The following NAALADL2 variants were observed in gnomAD, a reference collection of about 807,000 sequenced individuals.
NAALADL2 encodes inactive N-acetylated-alpha-linked acidic dipeptidase-like protein 2.
NAALADL2 carries 76 observed loss-of-function variants against 87.2 expected under a neutral mutation model. The ratio of observed to expected loss-of-function variants is 0.87; its 90% CI spans 0.72 to 1.05. The LOEUF is 1.05. NAALADL2 is among the 50% of genes least tolerant of loss of function. The pLI is 0.00. For synonymous variants in NAALADL2, 354 were observed against 331.0 expected, an observed-to-expected ratio of 1.07 and a Z score of -0.75; for missense variants, 1,089 against 945.8, an observed-to-expected ratio of 1.15 and a Z score of -1.99.
intron 3 of NAALADL2, among the ~76,000 whole-genome samples, chr3:174,841,447 G>A (rs941076264): frequency 3.9e-5 from 6 of 152,104 alleles, no homozygotes; most frequent in African/African-American, 9.7e-5. Context: ...TGTTGTTTTC[G>A]TTTAGTTAGT....
intron 11 of NAALADL2, among the ~76,000 whole-genome samples, chr3:175,703,273 C>T (rs1382171810): frequency 6.6e-6 from 1 of 152,094 alleles, no homozygotes; most frequent in Non-Finnish European, 1.5e-5. Flanking sequence ...ACCTTGGGAA[C>T]AAGCAGAGTA....
chr3:175,448,792 C>T (rs1721090375), intron 6 of NAALADL2, among the ~76,000 whole-genome samples: 1 of 152,136 alleles, frequency 6.6e-6, no homozygotes, highest in East Asian at 1.9e-4. Flanking sequence ...TCACTGCAGC[C>T]TCAAACTCCT....
At chr3:175,411,407 G>A (rs1713484328) in intron 5 of NAALADL2, among the ~76,000 whole-genome samples, 1 of 152,176 alleles carries the variant, frequency 6.6e-6, no homozygotes, top group Non-Finnish European at 1.5e-5. Context: ...TCAGAGAAGA[G>A]TGCGGACTGG....
At chr3:174,604,602 T>C (rs2108618515) in intron 2 of NAALADL2, among the ~76,000 whole-genome samples, 1 of 150,226 alleles carries the variant, frequency 6.7e-6, no homozygotes, top group African/African-American at 2.4e-5. Flanking sequence ...CTTATTCCTG[T>C]CATTTTGTTA....
intron 2 of NAALADL2, among the ~76,000 whole-genome samples, chr3:174,634,948 A>G (rs993700612): frequency 6.6e-6 from 1 of 152,168 alleles, no homozygotes; most frequent in African/African-American, 2.4e-5. Flanking sequence ...GGAAAATTTT[A>G]ATTAGTAGGA....
intron 4 of NAALADL2, among the ~76,000 whole-genome samples, chr3:175,271,954 G>T (rs1460663223): frequency 6.6e-6 from 1 of 152,140 alleles, no homozygotes; most frequent in Non-Finnish European, 1.5e-5. Flanking sequence ...AATATCTAAT[G>T]AATTATATAA....
At chr3:175,568,221 A>G (rs1717523196) in intron 9 of NAALADL2, among the ~76,000 whole-genome samples, 1 of 152,114 alleles carries the variant, frequency 6.6e-6, no homozygotes, top group African/African-American at 2.4e-5. Flanking sequence ...GTCAGTAATC[A>G]TAACCTTTTG....
intron 3 of NAALADL2, among the ~76,000 whole-genome samples, chr3:174,838,302 G>C (rs1723602039): frequency 6.6e-6 from 1 of 152,140 alleles, no homozygotes; most frequent in Admixed American, 6.5e-5. Flanking sequence ...ATGACTTTAT[G>C]ATTAAAACTC....
At chr3:175,224,424 C>G (rs936404972) in intron 2 of NAALADL2, among the ~76,000 whole-genome samples, 1 of 152,116 alleles carries the variant, frequency 6.6e-6, no homozygotes, top group Non-Finnish European at 1.5e-5. Context: ...AATGGTGCAG[C>G]TTGGACTAAC....
rs140017588 is a variant in NAALADL2, at chr3:174,470,069, A to G, written c.-184+29037A>G. Among the ~76,000 whole-genome samples, 65 of 137,436 alleles carry G rather than the reference A, an allele frequency of 4.7e-4. No individual in the cohort carries two copies. The East Asian group carries it at 0.019, about 41-fold the overall frequency. The allele number at this position is 137,436 out of a possible 152,430, so 90.2% of individuals were successfully genotyped here. A position where few individuals can be genotyped will look rare whatever the true frequency, so the allele number is the denominator to read the frequency against. On this transcript the variant is annotated intron_variant, in intron 1 of 3. Coordinates refer to the NAALADL2 transcript ENST00000434257. ...AGAAAATTCTAAATTGTACTCAGTTAGTTACAGTGTTCTTAACACTACTAT... is the reference window on the plus strand; with the variant it reads ...AGAAAATTCTAAATTGTACTCAGTTGGTTACAGTGTTCTTAACACTACTAT...
intron 1 of NAALADL2, among the ~76,000 whole-genome samples, chr3:174,915,548 T>C (rs9815777): frequency 0.013 from 1,996 of 152,250 alleles, 45 homozygotes; most frequent in African/African-American, 0.046. Context: ...ATGTTAGAGG[T>C]TCAAGGTGTA....
intron 2 of NAALADL2, among the ~76,000 whole-genome samples, chr3:175,160,018 T>A (rs919047476): frequency 5.3e-5 from 8 of 151,206 alleles, no homozygotes; most frequent in Non-Finnish European, 1.0e-4. Context: ...TTTTTACTTT[T>A]AGTAGAGATG....
chr3:175,025,819 T>G (rs1282037447), intron 1 of NAALADL2, among the ~76,000 whole-genome samples: 2 of 152,170 alleles, frequency 1.3e-5, no homozygotes, highest in Admixed American at 1.3e-4. Context: ...TTTATTTGTT[T>G]GTTTGTTTGA....
intron 1 of NAALADL2, chr3:174,864,031 A>C (rs1308893313): frequency 2.2e-6 from 1 of 455,694 alleles, no homozygotes. Flanking sequence ...ATCTCAAAAC[A>C]AAATCAAGCA....
chr3:174,613,443 TC>T (rs1262076378), intron 2 of NAALADL2, among the ~76,000 whole-genome samples: 1,196 of 23,156 alleles, frequency 0.052, 13 homozygotes, highest in African/African-American at 0.29. Context: ...ACCTTAGAAG[TC>T]TATCTACTTA....
At chr3:175,461,627 G>A in intron 6 of NAALADL2, among the ~76,000 whole-genome samples, 1 of 152,176 alleles carries the variant, frequency 6.6e-6, no homozygotes, top group South Asian at 2.1e-4. Flanking sequence ...AGGTAATATT[G>A]TAAGTAGTAC....
chr3:174,925,750 T>C (rs974226384), intron 1 of NAALADL2, among the ~76,000 whole-genome samples: 1 of 152,186 alleles, frequency 6.6e-6, no homozygotes, highest in Admixed American at 6.5e-5. Flanking sequence ...TTTATTTCAT[T>C]GAGCTGTGGT....
chr3:174,980,167 T>C (rs1212459351), intron 1 of NAALADL2, among the ~76,000 whole-genome samples: 1 of 152,214 alleles, frequency 6.6e-6, no homozygotes, highest in African/African-American at 2.4e-5. Context: ...TAGCACATAT[T>C]ACGCCATGTT....
chr3:175,588,837 C>T (rs1006238843), intron 10 of NAALADL2, among the ~76,000 whole-genome samples: 7 of 152,136 alleles, frequency 4.6e-5, no homozygotes, highest in African/African-American at 1.7e-4. Context: ...CGTGCCCTGC[C>T]AGGAGACTTT....
Sources: gnomAD v4.1 joint callset for allele counts (sites outside exome capture counted in the v4.1 genomes callset) on GRCh38, gnomAD v4.1.1 for gene constraint, MANE v1.5 for transcripts, NCBI Gene and HGNC (gene_info 2026-07-23, HGNC 2026-07-21) for gene names.